Variants in NRG3 observed in about 807,000 individuals in gnomAD.
NRG3 encodes pro-neuregulin-3, membrane-bound isoform.
Under a neutral mutation model 66.9 loss-of-function variants are expected in NRG3, and 31 were observed. That is an observed-to-expected ratio of 0.46 (90% confidence interval 0.35 to 0.63). The LOEUF (loss-of-function observed/expected upper bound fraction) is 0.63. Among genes scored for constraint, NRG3 ranks in the 20% least tolerant of loss-of-function variants. The pLI, the probability that NRG3 is intolerant of heterozygous loss-of-function variation, is 0.00. For synonymous variants in NRG3, 393 were observed against 359.4 expected (o/e 1.09, Z -1.06); for missense variants, 910 against 878.9 (o/e 1.04, Z -0.45).
chr10:82,210,118 A>G (rs564017878), intron 1 of NRG3, among the ~76,000 whole-genome samples: 7 of 152,288 alleles, frequency 4.6e-5, no homozygotes, highest in African/African-American at 1.4e-4. Context: ...CATTGCTATA[A>G]CATATCAAAA....
At chr10:82,261,087 G>T (rs2078001813) in intron 1 of NRG3, among the ~76,000 whole-genome samples, 1 of 152,044 alleles carries the variant, frequency 6.6e-6, no homozygotes, top group South Asian at 2.1e-4. Flanking sequence ...GACTGATATG[G>T]TTTGGCTGTG....
chr10:82,154,209 T>C (rs1015723642), intron 1 of NRG3, among the ~76,000 whole-genome samples: 1 of 152,000 alleles, frequency 6.6e-6, no homozygotes, highest in African/African-American at 2.4e-5. Context: ...TTTCAGGCCT[T>C]ATATTTAAGT....
At chr10:82,132,159 C>T (rs1468805131) in intron 1 of NRG3, among the ~76,000 whole-genome samples, 1 of 151,846 alleles carries the variant, frequency 6.6e-6, no homozygotes, top group Non-Finnish European at 1.5e-5. Flanking sequence ...TAGTATGATA[C>T]TAGCTGTGGG....
At chr10:82,609,695 C>G (rs1211626472) in intron 2 of NRG3, among the ~76,000 whole-genome samples, 1 of 151,888 alleles carries the variant, frequency 6.6e-6, no homozygotes, top group Non-Finnish European at 1.5e-5. Context: ...TGTACCAAAC[C>G]TTATTTCAAT....
chr10:82,523,518 C>T (rs973859468), intron 2 of NRG3, among the ~76,000 whole-genome samples: 24 of 152,006 alleles, frequency 1.6e-4, no homozygotes, highest in Middle Eastern at 6.8e-3. Flanking sequence ...AATTTTATAT[C>T]TTCTTTGGGT....
At chr10:82,799,290 G>C (rs1232613054) in intron 3 of NRG3, among the ~76,000 whole-genome samples, 1 of 151,970 alleles carries the variant, frequency 6.6e-6, no homozygotes, top group Non-Finnish European at 1.5e-5. Flanking sequence ...CACTTTGAGA[G>C]GCCAAGGCGG....
At chr10:82,767,215 G>A (rs2059550954) in intron 3 of NRG3, among the ~76,000 whole-genome samples, 1 of 151,830 alleles carries the variant, frequency 6.6e-6, no homozygotes, top group Non-Finnish European at 1.5e-5. Context: ...CTTGTCTCCT[G>A]GAGCACCCAT....
intron 1 of NRG3, among the ~76,000 whole-genome samples, chr10:82,069,041 A>G (rs1019683148): frequency 2.0e-5 from 3 of 152,190 alleles, no homozygotes; most frequent in African/African-American, 7.2e-5. Flanking sequence ...TGTAAGTAGA[A>G]ACACAAATTG....
intron 3 of NRG3, among the ~76,000 whole-genome samples, chr10:82,753,677 G>A (rs1046831004): frequency 1.3e-5 from 2 of 151,784 alleles, no homozygotes; most frequent in Non-Finnish European, 2.9e-5. Context: ...CACCGGGAGT[G>A]GTGGCTCACA....
intron 6 of NRG3, among the ~76,000 whole-genome samples, chr10:82,960,957 T>C (rs1046521169): frequency 1.3e-5 from 2 of 152,198 alleles, no homozygotes; most frequent in Non-Finnish European, 2.9e-5. Context: ...AACAGCCTTG[T>C]TGCTCACACA....
intron 2 of NRG3, among the ~76,000 whole-genome samples, chr10:82,442,784 ATT>A (rs61261285): frequency 0.01 from 560 of 54,178 alleles, 4 homozygotes; most frequent in African/African-American, 0.045. Context: ...TTCTGTGTGG[ATT>A]TTTTTTTTTT....
intron 1 of NRG3, among the ~76,000 whole-genome samples, chr10:82,190,645 TCAAA>T (rs991773183): frequency 3.3e-5 from 5 of 152,174 alleles, no homozygotes; most frequent in African/African-American, 1.2e-4. Flanking sequence ...CTCTGTGACC[TCAAA>T]CAAATTGGTT....
chr10:82,843,937 A>ATAT (rs1256728960), intron 3 of NRG3, among the ~76,000 whole-genome samples: 2 of 152,212 alleles, frequency 1.3e-5, no homozygotes, highest in Admixed American at 1.3e-4. Context: ...TATATATGGC[A>ATAT]AAACATATTA....
intron 2 of NRG3, among the ~76,000 whole-genome samples, chr10:82,425,216 G>T (rs955792199): frequency 1.3e-5 from 2 of 152,028 alleles, no homozygotes; most frequent in Non-Finnish European, 2.9e-5. Flanking sequence ...CATTGAATCT[G>T]CTCATCAACT....
intron 2 of NRG3, among the ~76,000 whole-genome samples, chr10:82,488,321 A>C (rs1842844173): frequency 6.6e-6 from 1 of 152,178 alleles, no homozygotes; most frequent in Admixed American, 6.5e-5. Flanking sequence ...GTGGAAACTG[A>C]GACTTCTAGA....
At chr10:82,079,056 C>CT (rs2065243942) in intron 1 of NRG3, among the ~76,000 whole-genome samples, 1 of 151,764 alleles carries the variant, frequency 6.6e-6, no homozygotes, top group Non-Finnish European at 1.5e-5. Context: ...GAATAATAGA[C>CT]TTTATTTTTA....
At chr10:82,354,206 T>TTAG in intron 1 of NRG3, among the ~76,000 whole-genome samples, 1 of 141,116 alleles carries the variant, frequency 7.1e-6, no homozygotes, top group Admixed American at 7.2e-5. Context: ...AAATAATTTA[T>TTAG]TATTATTATT....
chr10:81,912,118 T>G (rs1845227485), intron 1 of NRG3, among the ~76,000 whole-genome samples: 1 of 152,208 alleles, frequency 6.6e-6, no homozygotes, highest in South Asian at 2.1e-4. Flanking sequence ...CTTTTCACAT[T>G]TTTTTCTTTT....
In NRG3 at chr10:81,907,635, A is replaced by G. The variant is rs142082930; in HGVS notation, c.823+31472A>G. 1.8e-4 allele frequency among the ~76,000 whole-genome samples: 27 copies of G among 152,334 alleles called. No individual in the cohort carries two copies. In the East Asian group the frequency reaches 5.2e-3, roughly 29 times the overall value. Reference sequence around the variant, plus strand: ...GATGTTATGGAAACTGAGATTTTTAATATTTTTAGCTGAGAATATTTATAT... The same window carrying G: ...GATGTTATGGAAACTGAGATTTTTAGTATTTTTAGCTGAGAATATTTATAT... On this transcript the variant is annotated intron_variant, in intron 1 of 8. Coordinates refer to ENST00000372141, the MANE Select transcript of NRG3 (RefSeq NM_001010848.4).
Sources: allele counts gnomAD v4.1 joint callset (sites outside exome capture counted in the v4.1 genomes callset), GRCh38; gene constraint gnomAD v4.1.1; transcripts MANE v1.5; gene names NCBI Gene and HGNC (gene_info 2026-07-23, HGNC 2026-07-21).